Variants in CAST observed in about 807,000 individuals in gnomAD.
CAST encodes the protein calpastatin.
In CAST, 76 loss-of-function variants were observed where a neutral mutation model predicts 119.6. That is an observed-to-expected ratio of 0.64 (90% CI 0.53 to 0.77). The LOEUF is 0.77. Ranked by LOEUF, CAST falls within the 30% of genes least tolerant of loss-of-function variation. The pLI is 0.00. For synonymous variants in CAST, 319 were observed against 331.6 expected (o/e 0.96, Z 0.41); for missense variants, 953 against 946.5 (o/e 1.01, Z -0.09).
At chr5:96,563,345 G>C (rs2150185284) in intron 1 of CAST, among the ~76,000 whole-genome samples, 1 of 152,160 alleles carries the variant, frequency 6.6e-6, no homozygotes, top group Non-Finnish European at 1.5e-5. Context: ...CTCGGCCATG[G>C]ACCCAGGATG....
the CAST span, among the ~76,000 whole-genome samples, chr5:96,077,299 T>C: frequency 1.3e-3 from 199 of 152,352 alleles, 1 homozygote; most frequent in Non-Finnish European, 2.1e-3. Flanking sequence ...TTTAGGGTTC[T>C]TGCTATTTAT....
chr5:96,554,554 T>C (rs1304684069), intron 1 of CAST, among the ~76,000 whole-genome samples: 3 of 152,136 alleles, frequency 2.0e-5, no homozygotes, highest in Non-Finnish European at 4.4e-5. Context: ...AATTGACAAA[T>C]TGGATCTAAG....
At chr5:96,019,480 G>T in the CAST span, among the ~76,000 whole-genome samples, 1 of 152,094 alleles carries the variant, frequency 6.6e-6, no homozygotes, top group Non-Finnish European at 1.5e-5. Context: ...GTGGATAAAG[G>T]GGTCCTAATT....
the CAST span, among the ~76,000 whole-genome samples, chr5:96,477,306 GCA>G: frequency 0.36 from 51,627 of 144,966 alleles, 9,594 homozygotes; most frequent in African/African-American, 0.5. Context: ...ACGCACGCGT[GCA>G]CACACACACA....
chr5:96,752,790 G>T (rs71630751), intron 20 of CAST, among the ~76,000 whole-genome samples: 2 of 151,808 alleles, frequency 1.3e-5, no homozygotes, highest in Non-Finnish European at 2.9e-5. Context: ...TGAGGTCAGA[G>T]ATTTTAATAA....
At chr5:96,487,296 C>T in the CAST span, among the ~76,000 whole-genome samples, 1 of 152,204 alleles carries the variant, frequency 6.6e-6, no homozygotes, top group Non-Finnish European at 1.5e-5. Flanking sequence ...CCAAGACTCT[C>T]CCTTGAGGCT....
the CAST span, among the ~76,000 whole-genome samples, chr5:96,054,252 T>C: frequency 6.6e-6 from 1 of 152,128 alleles, no homozygotes; most frequent in Non-Finnish European, 1.5e-5. Context: ...AAAATATTTA[T>C]TTATTATAAA....
intron 1 of CAST, among the ~76,000 whole-genome samples, chr5:96,530,612 G>C (rs1485850999): frequency 3.9e-5 from 6 of 152,214 alleles, no homozygotes; most frequent in Middle Eastern, 3.4e-3. Flanking sequence ...CAGATATTGA[G>C]CTATCAGTGC....
intron 2 of CAST, among the ~76,000 whole-genome samples, chr5:96,687,108 G>A (rs1341882761): frequency 3.3e-5 from 5 of 152,204 alleles, no homozygotes; most frequent in African/African-American, 1.2e-4. Flanking sequence ...GGAAACATCA[G>A]GGATAAGGCG....
chr5:96,678,459 A>G (rs1464294619), intron 2 of CAST, among the ~76,000 whole-genome samples: 1 of 152,218 alleles, frequency 6.6e-6, no homozygotes, highest in Non-Finnish European at 1.5e-5. Context: ...AGATGCCAGA[A>G]AAGGGCACAG....
the CAST span, among the ~76,000 whole-genome samples, chr5:96,089,516 T>A: frequency 1.3e-5 from 2 of 152,220 alleles, no homozygotes; most frequent in Admixed American, 1.3e-4. Flanking sequence ...TACAATAGAT[T>A]ATTTTAATAA....
chr5:96,250,972 G>A, the CAST span, among the ~76,000 whole-genome samples: 1 of 151,648 alleles, frequency 6.6e-6, no homozygotes, highest in Non-Finnish European at 1.5e-5. Context: ...AGGTACAAAG[G>A]TACAGAAGGT....
At chr5:96,180,703 G>A in the CAST span, among the ~76,000 whole-genome samples, 1 of 152,160 alleles carries the variant, frequency 6.6e-6, no homozygotes, top group Non-Finnish European at 1.5e-5. Flanking sequence ...ATAAAGTAAG[G>A]CATATTCACA....
At chr5:96,662,928 G>T (rs535484856) in intron 1 of CAST, 10 of 588,628 alleles carry the variant, frequency 1.7e-5, no homozygotes, top group Middle Eastern at 4.4e-4. Flanking sequence ...AACCAGCCTC[G>T]AGCCAAATTG....
chr5:96,023,253 A>C, the CAST span, among the ~76,000 whole-genome samples: 1 of 152,216 alleles, frequency 6.6e-6, no homozygotes, highest in Non-Finnish European at 1.5e-5. Context: ...GGAAACCTGG[A>C]TGTAAGAGGT....
the CAST span, among the ~76,000 whole-genome samples, chr5:95,978,709 A>T: frequency 1.3e-5 from 2 of 152,172 alleles, no homozygotes; most frequent in African/African-American, 4.8e-5. Context: ...TTTTCAACTG[A>T]AACTATAAGA....
In CAST at chr5:96,588,196, C is replaced by CTTT. The variant is rs140665192; in HGVS notation, c.60+58338_60+58340dup. Among the ~76,000 whole-genome samples the CTTT allele has an allele frequency of 8.7e-3, 660 of 75,754 alleles. 94 individuals carry two copies. The highest frequency in any genetic ancestry group is 0.029 in the African/African-American group (466 of 15,976). The allele number at this position is 75,754 out of a possible 152,430, so 49.7% of individuals were successfully genotyped here. ...TATTATTTTCTTTCTTTCTTTCTTTCTTTTTTTTTTTTTTTTTTTTTTTTG... is the reference window on the plus strand; with the variant it reads ...TATTATTTTCTTTCTTTCTTTCTTTCTTTTTTTTTTTTTTTTTTTTTTTTTTTG... On this transcript the variant is annotated intron_variant, in intron 1 of 11. Transcript: ENST00000505143.
intron 1 of CAST, among the ~76,000 whole-genome samples, chr5:96,569,733 A>G (rs1049214972): frequency 6.6e-5 from 10 of 152,246 alleles, no homozygotes; most frequent in African/African-American, 2.4e-4. Flanking sequence ...CCATAGCGAC[A>G]ACACGATCAC....
intron 1 of CAST, among the ~76,000 whole-genome samples, chr5:96,624,031 A>G (rs1024299917): frequency 5.9e-5 from 9 of 152,282 alleles, no homozygotes; most frequent in South Asian, 2.1e-4. Flanking sequence ...AATCTAAGCT[A>G]TGTTATTTTG....
Sources: allele counts gnomAD v4.1 joint callset (sites outside exome capture counted in the v4.1 genomes callset), GRCh38; gene constraint gnomAD v4.1.1; transcripts MANE v1.5; gene names NCBI Gene and HGNC (gene_info 2026-07-23, HGNC 2026-07-21).